Variants in NBAS observed in about 807,000 individuals in gnomAD.
NBAS encodes the protein NBAS subunit of NRZ tethering complex.
In NBAS, 219 loss-of-function variants were observed where a neutral mutation model predicts 302.5. The ratio of observed to expected loss-of-function variants is 0.72; its 90% CI spans 0.65 to 0.81. The LOEUF (loss-of-function observed/expected upper bound fraction) is 0.81, where lower values mean the gene tolerates loss of function less well. Among genes scored for constraint, NBAS ranks in the 30% least tolerant of loss-of-function variants. The pLI is 0.00. For missense variants in NBAS, 2,932 were observed against 2,841.6 expected, an observed-to-expected ratio of 1.03 and a Z score of -0.72; for synonymous variants, 1,118 against 1,021.6, an observed-to-expected ratio of 1.09 and a Z score of -1.80.
the NBAS span, among the ~76,000 whole-genome samples, chr2:15,085,882 G>T: frequency 1.3e-5 from 2 of 152,166 alleles, no homozygotes; most frequent in South Asian, 4.1e-4. Context: ...TGTGGGGGAG[G>T]GTGAGGGGGT....
chr2:15,351,958 A>G (rs1180093801), intron 35 of NBAS, 34 bp downstream of exon 35: 1 of 1,502,616 alleles, frequency 6.7e-7, no homozygotes, highest in East Asian at 2.3e-5. Context: ...ACTCTCAGCC[A>G]CCTTTCAAAC....
the NBAS span, among the ~76,000 whole-genome samples, chr2:15,020,001 T>C: frequency 2.0e-5 from 3 of 152,138 alleles, no homozygotes; most frequent in African/African-American, 7.2e-5. Context: ...TTAACAGTTA[T>C]CTCCCCATTT....
At chr2:14,784,860 T>C in the NBAS span, among the ~76,000 whole-genome samples, 1 of 152,168 alleles carries the variant, frequency 6.6e-6, no homozygotes, top group African/African-American at 2.4e-5. Flanking sequence ...GTGAAGAAAG[T>C]CATTGGTAGC....
intron 25 of NBAS, among the ~76,000 whole-genome samples, chr2:15,413,864 G>A (rs1676798289): frequency 1.3e-5 from 2 of 152,172 alleles, no homozygotes. Flanking sequence ...TCTGTTTTGA[G>A]ATTCACATGT....
chr2:14,847,233 A>C, the NBAS span, among the ~76,000 whole-genome samples: 1 of 151,912 alleles, frequency 6.6e-6, no homozygotes, highest in African/African-American at 2.4e-5. Flanking sequence ...AATACAAAAA[A>C]TTAGCCGGGT....
At chr2:15,541,752 G>C (rs919900907) in intron 6 of NBAS, among the ~76,000 whole-genome samples, 32 of 150,428 alleles carry the variant, frequency 2.1e-4, no homozygotes, top group African/African-American at 7.8e-4. Context: ...ACGGGAGGGA[G>C]GTGGGGGGGT....
intron 48 of NBAS, among the ~76,000 whole-genome samples, chr2:15,196,355 A>G (rs867060741): frequency 4.6e-5 from 7 of 152,322 alleles, no homozygotes; most frequent in Middle Eastern, 3.4e-3. Flanking sequence ...AAACCAGCAA[A>G]TTGTATCCAT....
the NBAS span, among the ~76,000 whole-genome samples, chr2:14,864,048 G>A: frequency 6.6e-6 from 1 of 152,282 alleles, no homozygotes; most frequent in South Asian, 2.1e-4. Context: ...GCCAGGCACG[G>A]TGGCTCACGC....
chr2:15,112,773 T>C, the NBAS span, among the ~76,000 whole-genome samples: 1 of 152,274 alleles, frequency 6.6e-6, no homozygotes, highest in Non-Finnish European at 1.5e-5. Context: ...ATTTCAAGTA[T>C]ATAGACTGAA....
At chr2:15,210,872 G>A (rs1329127053) in intron 48 of NBAS, among the ~76,000 whole-genome samples, 4 of 152,068 alleles carry the variant, frequency 2.6e-5, no homozygotes, top group Admixed American at 6.6e-5. Flanking sequence ...AGCCAGGCAC[G>A]GAAAGACAAA....
chr2:15,168,149 A>G (rs34971742), intron 51 of NBAS, among the ~76,000 whole-genome samples: 11,424 of 152,236 alleles, frequency 0.075, 785 homozygotes, highest in East Asian at 0.32. Context: ...TCTCACTTAC[A>G]TTGGGGTATC....
chr2:15,362,949 G>C (rs547164386), intron 32 of NBAS, among the ~76,000 whole-genome samples: 1 of 152,068 alleles, frequency 6.6e-6, no homozygotes, highest in Admixed American at 6.6e-5. Context: ...GGGGCCAGGC[G>C]CAGTGGTTCA....
chr2:15,082,169 A>G, the NBAS span, among the ~76,000 whole-genome samples: 3 of 152,188 alleles, frequency 2.0e-5, no homozygotes, highest in Non-Finnish European at 2.9e-5. Context: ...GGTTTTGTGC[A>G]TGAGTACCCT....
chr2:15,175,848 C>A (rs1029988780), intron 51 of NBAS, among the ~76,000 whole-genome samples: 1 of 152,232 alleles, frequency 6.6e-6, no homozygotes, highest in African/African-American at 2.4e-5. Flanking sequence ...ACTGTAAACA[C>A]CTATAAAGCT....
chr2:15,343,114 T>A (rs1672933669), intron 35 of NBAS, among the ~76,000 whole-genome samples: 1 of 152,046 alleles, frequency 6.6e-6, no homozygotes, highest in African/African-American at 2.4e-5. Flanking sequence ...AAGAAAAAAC[T>A]TCATCCAGAT....
the NBAS span, among the ~76,000 whole-genome samples, chr2:15,147,787 G>A: frequency 2.0e-5 from 3 of 151,976 alleles, no homozygotes; most frequent in African/African-American, 4.8e-5. Flanking sequence ...TGCTGGGAAC[G>A]CTGAGAGGCA....
At chr2:15,162,427 G>A (rs1446007408), downstream of NBAS, among the ~76,000 whole-genome samples, 1 of 152,156 alleles carries the variant, frequency 6.6e-6, no homozygotes, top group Non-Finnish European at 1.5e-5. Flanking sequence ...GCGCCTGGAG[G>A]CAGCTTTCCA....
chr2:15,302,775 G>C (rs1348189944), intron 40 of NBAS, among the ~76,000 whole-genome samples: 2 of 152,208 alleles, frequency 1.3e-5, no homozygotes, highest in Non-Finnish European at 2.9e-5. Flanking sequence ...TGGACTGGGA[G>C]AGGCAGACCC....
intron 41 of NBAS, among the ~76,000 whole-genome samples, chr2:15,288,544 A>G (rs944572578): frequency 6.6e-6 from 1 of 152,196 alleles, no homozygotes; most frequent in Admixed American, 6.5e-5. Flanking sequence ...CCAGGCAATG[A>G]AGAGTCCATG....
Sources: gnomAD v4.1 joint callset for allele counts (sites outside exome capture counted in the v4.1 genomes callset) on GRCh38, gnomAD v4.1.1 for gene constraint, MANE v1.5 for transcripts, NCBI Gene and HGNC (gene_info 2026-07-23, HGNC 2026-07-21) for gene names.